Variants in NKAIN3 observed in about 807,000 individuals in gnomAD.
NKAIN3 encodes the protein sodium/potassium-transporting ATPase subunit beta-1-interacting protein 3.
In NKAIN3, 25 loss-of-function variants were observed where a neutral mutation model predicts 30.2. That is an observed-to-expected ratio of 0.83 (90% confidence interval 0.60 to 1.16). The LOEUF is 1.16. Ranked by LOEUF, NKAIN3 falls within the 50% of genes most tolerant of loss-of-function variation. The probability of loss-of-function intolerance (pLI) is 0.00; values close to 1 mark genes in which losing one functional copy is unlikely to be tolerated. For synonymous variants in NKAIN3, 91 were observed against 89.6 expected, an observed-to-expected ratio of 1.02 and a Z score of -0.09; for missense variants, 225 against 254.1, an observed-to-expected ratio of 0.89 and a Z score of 0.78.
intron 5 of NKAIN3, among the ~76,000 whole-genome samples, chr8:62,934,425 T>C (rs944534456): frequency 3.3e-5 from 5 of 151,924 alleles, no homozygotes; most frequent in Admixed American, 1.3e-4. Flanking sequence ...ACTTATTTTT[T>C]CCAAATGTGA....
chr8:62,852,587 A>T (rs1277574198), intron 4 of NKAIN3, among the ~76,000 whole-genome samples: 1 of 152,050 alleles, frequency 6.6e-6, no homozygotes, highest in Non-Finnish European at 1.5e-5. Flanking sequence ...TCTTGTGGGC[A>T]TTCAGTGCTA....
chr8:62,568,136 A>G (rs899732975), intron 1 of NKAIN3, among the ~76,000 whole-genome samples: 3 of 152,182 alleles, frequency 2.0e-5, no homozygotes, highest in African/African-American at 7.2e-5. Flanking sequence ...TAAATCATGA[A>G]ACACAGCATC....
chr8:62,600,348 A>T (rs1810952499), intron 3 of NKAIN3, among the ~76,000 whole-genome samples: 1 of 152,064 alleles, frequency 6.6e-6, no homozygotes, highest in Admixed American at 6.6e-5. Context: ...GGGGCCTTCT[A>T]AAATCTTATA....
At chr8:62,802,143 T>C (rs1818088548) in intron 4 of NKAIN3, among the ~76,000 whole-genome samples, 1 of 152,160 alleles carries the variant, frequency 6.6e-6, no homozygotes, top group Non-Finnish European at 1.5e-5. Context: ...CTACGTCTGA[T>C]TGGTGTACCT....
At chr8:62,963,739 T>C (rs957052149) in intron 6 of NKAIN3, among the ~76,000 whole-genome samples, 1 of 152,140 alleles carries the variant, frequency 6.6e-6, no homozygotes, top group African/African-American at 2.4e-5. Flanking sequence ...AGAGAATAGA[T>C]GAGCAGAGGA....
chr8:62,700,327 G>A (rs1814292977), intron 3 of NKAIN3, among the ~76,000 whole-genome samples: 1 of 152,210 alleles, frequency 6.6e-6, no homozygotes, highest in Non-Finnish European at 1.5e-5. Context: ...CAAAGAACCT[G>A]AAGACCACGC....
At chr8:62,905,966 T>C (rs934402572) in intron 4 of NKAIN3, among the ~76,000 whole-genome samples, 5 of 152,184 alleles carry the variant, frequency 3.3e-5, no homozygotes, top group African/African-American at 1.2e-4. Context: ...AGCGTTGTGC[T>C]TTCATCAAGC....
chr8:62,522,561 G>T (rs147054622), intron 1 of NKAIN3, among the ~76,000 whole-genome samples: 8 of 152,022 alleles, frequency 5.3e-5, no homozygotes, highest in Admixed American at 3.9e-4. Context: ...AGCTCCATGC[G>T]TGTCATTGAC....
chr8:62,450,878 C>T (rs563730804), intron 1 of NKAIN3, among the ~76,000 whole-genome samples: 1 of 152,246 alleles, frequency 6.6e-6, no homozygotes, highest in Non-Finnish European at 1.5e-5. Flanking sequence ...GAACACACTT[C>T]ACTATAAGCT....
At chr8:62,465,258 A>G (rs1806127215) in intron 1 of NKAIN3, among the ~76,000 whole-genome samples, 1 of 152,232 alleles carries the variant, frequency 6.6e-6, no homozygotes, top group Non-Finnish European at 1.5e-5. Flanking sequence ...ATGCAAATGT[A>G]TAATTACTAG....
At chr8:62,621,923 C>T (rs891481942) in intron 3 of NKAIN3, among the ~76,000 whole-genome samples, 1 of 152,046 alleles carries the variant, frequency 6.6e-6, no homozygotes, top group Non-Finnish European at 1.5e-5. Context: ...CAAGATCCTT[C>T]AACTTACCCT....
intron 4 of NKAIN3, among the ~76,000 whole-genome samples, chr8:62,813,425 T>G (rs1466280002): frequency 6.6e-6 from 1 of 151,954 alleles, no homozygotes; most frequent in African/African-American, 2.4e-5. Context: ...ATCTGTAGAC[T>G]GCTTTCACTT....
chr8:62,365,785 T>A (rs1585727315), intron 1 of NKAIN3, among the ~76,000 whole-genome samples: 1 of 145,712 alleles, frequency 6.9e-6, no homozygotes. Context: ...ATTTTTTTTT[T>A]AATCTTTTGA....
At chr8:62,548,374 T>G (rs1809083863) in intron 1 of NKAIN3, among the ~76,000 whole-genome samples, 1 of 152,168 alleles carries the variant, frequency 6.6e-6, no homozygotes. Context: ...CAAATATATT[T>G]TAGATTCCAA....
chr8:62,751,470 T>C (rs1816281996), intron 4 of NKAIN3, among the ~76,000 whole-genome samples: 1 of 152,192 alleles, frequency 6.6e-6, no homozygotes, highest in South Asian at 2.1e-4. Flanking sequence ...GAGTCCAAAG[T>C]GCCTTTATGC....
chr8:62,985,983 T>G (rs1456775763), downstream of NKAIN3, among the ~76,000 whole-genome samples: 1 of 152,204 alleles, frequency 6.6e-6, no homozygotes, highest in Non-Finnish European at 1.5e-5. Context: ...AGAGTGTCTA[T>G]CTACTTACAA....
intron 4 of NKAIN3, among the ~76,000 whole-genome samples, chr8:62,912,359 T>C (rs1305133961): frequency 2.0e-5 from 3 of 152,192 alleles, no homozygotes; most frequent in Non-Finnish European, 4.4e-5. Flanking sequence ...TGCTGTAGAC[T>C]ATAAACACTG....
At chr8:62,501,605 T>C (rs1302153626) in intron 1 of NKAIN3, among the ~76,000 whole-genome samples, 2 of 150,454 alleles carry the variant, frequency 1.3e-5, no homozygotes, top group African/African-American at 5.0e-5. Flanking sequence ...GTCTAGGCAT[T>C]ACGAGAAATG....
At chr8:62,327,375 T>C (rs1223922357) in intron 1 of NKAIN3, among the ~76,000 whole-genome samples, 1 of 152,100 alleles carries the variant, frequency 6.6e-6, no homozygotes, top group Non-Finnish European at 1.5e-5. Flanking sequence ...AGTGTCATAT[T>C]CAAGAAGTAA....
Sources: gnomAD v4.1 joint callset for allele counts (sites outside exome capture counted in the v4.1 genomes callset) on GRCh38, gnomAD v4.1.1 for gene constraint, MANE v1.5 for transcripts, NCBI Gene and HGNC (gene_info 2026-07-23, HGNC 2026-07-21) for gene names.